Variants in SEMA3C observed in about 807,000 individuals in gnomAD.
SEMA3C encodes the protein semaphorin 3C, also known as semaphorin-3C.
A neutral mutation model predicts 89.4 loss-of-function variants in SEMA3C; 47 were observed. That is an observed-to-expected ratio of 0.53 (90% CI 0.42 to 0.67). The LOEUF is 0.67. Among genes scored for constraint, SEMA3C ranks in the 30% least tolerant of loss-of-function variants. SEMA3C has a pLI of 0.00. For missense variants in SEMA3C, 839 were observed against 929.1 expected, an observed-to-expected ratio of 0.90 and a Z score of 1.26; for synonymous variants, 310 against 320.2, an observed-to-expected ratio of 0.97 and a Z score of 0.34.
rs765917039 is a variant in SEMA3C at position 80,798,158 on chromosome 7, G to A, written c.1065C>T (p.His355=). The change falls in exon 11 of 18, where the codon CAC becomes CAT. Residue 355 remains histidine (H), a synonymous_variant. Transcript: ENST00000265361. ...TCAGCTGATGATTGGGCCCTTCTTTGTGGGCAAAAGGCCCATTAAACACAG... is the reference window on the plus strand; with the variant it reads ...TCAGCTGATGATTGGGCCCTTCTTTATGGGCAAAAGGCCCATTAAACACAG... ...IQTVFNGPFA[H]KEGPNHQLIS... The A allele has an allele frequency of 1.2e-6, 2 of 1,607,794 alleles. No homozygotes were observed. The highest frequency in any genetic ancestry group is 1.7e-6 in the Non-Finnish European group (2 of 1,177,246).
At chr7:80,845,979 A>C (rs1790380001) in intron 2 of SEMA3C, among the ~76,000 whole-genome samples, 1 of 152,214 alleles carries the variant, frequency 6.6e-6, no homozygotes, top group African/African-American at 2.4e-5. Flanking sequence ...ACTTTAAGAA[A>C]GTAGCAAATG....
rs1414310396 is a variant in SEMA3C, at chr7:80,803,859, T to G, written c.801+247A>C. 2.6e-5 allele frequency among the ~76,000 whole-genome samples: 4 copies of G among 152,256 alleles called. No homozygotes were observed. The East Asian group carries it at 7.7e-4, about 29-fold the overall frequency. On this transcript the variant is annotated intron_variant, in intron 8 of 17. Coordinates refer to ENST00000265361, the MANE Select transcript of SEMA3C (RefSeq NM_006379.5). The stretch of plus-strand genomic sequence containing the variant: ...AAAATATTTTCTTGAATTAAGATTT[T>G]TACTAAAATAGGGTATGTTTATCTC...
intron 11 of SEMA3C, among the ~76,000 whole-genome samples, chr7:80,790,543 C>G (rs1352754375): frequency 6.6e-6 from 1 of 152,186 alleles, no homozygotes; most frequent in African/African-American, 2.4e-5. Flanking sequence ...GTAGGTCTTG[C>G]TGCTCCTGAG....
chr7:80,828,550 G>T, intron 3 of SEMA3C, 35 bp downstream of exon 3: 4 of 1,537,740 alleles, frequency 2.6e-6, no homozygotes, highest in Admixed American at 1.9e-5. Context: ...ACATTGAAAA[G>T]GTGGACACTG....
At chr7:80,855,979 TTTTGTGAATGTA>T (rs1790628786) in intron 2 of SEMA3C, among the ~76,000 whole-genome samples, 1 of 152,190 alleles carries the variant, frequency 6.6e-6, no homozygotes, top group African/African-American at 2.4e-5. Flanking sequence ...AAAGATGAGC[TTTTGTGAATGTA>T]TTTCTTGCTT....
At chr7:80,911,401 CTT>C (rs1792145010) in intron 2 of SEMA3C, among the ~76,000 whole-genome samples, 1 of 152,088 alleles carries the variant, frequency 6.6e-6, no homozygotes, top group Non-Finnish European at 1.5e-5. Context: ...AAATGTATAA[CTT>C]TGGTTCTAGA....
At chr7:80,870,794 G>C (rs1791038271) in intron 2 of SEMA3C, among the ~76,000 whole-genome samples, 2 of 152,170 alleles carry the variant, frequency 1.3e-5, no homozygotes, top group Admixed American at 1.3e-4. Flanking sequence ...ACAGCAGAAA[G>C]AGACACTTTA....
chr7:80,914,506 G>C (rs1792225293), intron 2 of SEMA3C, among the ~76,000 whole-genome samples: 1 of 151,836 alleles, frequency 6.6e-6, no homozygotes, highest in South Asian at 2.1e-4. Context: ...TGTCTATGTA[G>C]TTCATTGTAG....
chr7:80,872,671 C>T lies in SEMA3C; in HGVS notation c.104-43926G>A, dbSNP rs1327410195. On this transcript the variant is annotated intron_variant, in intron 2 of 17. Coordinates refer to ENST00000265361, the MANE Select transcript of SEMA3C (RefSeq NM_006379.5). ...GAAAAATTAGCTCAGCATGGTGGTG[C>T]GCACCTGTAGTCCCAGCTACTTGAG... Among the ~76,000 whole-genome samples the T allele has an allele frequency of 4.6e-5, 7 of 151,230 alleles. No homozygotes were observed. In the East Asian group the frequency reaches 6.0e-4, roughly 13 times the overall value.
intron 2 of SEMA3C, among the ~76,000 whole-genome samples, chr7:80,902,099 T>C (rs914288770): frequency 6.6e-6 from 1 of 152,152 alleles, no homozygotes; most frequent in Non-Finnish European, 1.5e-5. Flanking sequence ...ACTACAGGTG[T>C]GCACCACCGC....
chr7:80,845,862 CCAAA>C (rs1475012328), intron 2 of SEMA3C, among the ~76,000 whole-genome samples: 1 of 152,126 alleles, frequency 6.6e-6, no homozygotes, highest in East Asian at 1.9e-4. Flanking sequence ...AATTTACCAC[CCAAA>C]CACTAAACAT....
rs1787733844 is a variant in SEMA3C, at chr7:80,743,730, C to G, written c.*1164G>C. 1 of 151,754 alleles carries G rather than the reference C, an allele frequency of 6.6e-6. No homozygotes were observed. Among genetic ancestry groups the G allele is most frequent in the Admixed American group, 6.6e-5 (1 of 15,230 alleles). 9.4% of individuals were successfully genotyped at this position (151,754 alleles called of 1,614,324 possible). A position where few individuals can be genotyped will look rare whatever the true frequency, so the allele number is the denominator to read the frequency against. On this transcript the variant is annotated 3_prime_UTR_variant, in exon 18 of 18. Coordinates refer to ENST00000265361, the MANE Select transcript of SEMA3C (RefSeq NM_006379.5). Reference sequence around the variant, plus strand: ...ATTTACTACTTTTACACTTAGAGACCAGTGAACGTATGTACCATTACCTTT... The same window carrying G: ...ATTTACTACTTTTACACTTAGAGACGAGTGAACGTATGTACCATTACCTTT...
At chr7:80,748,336 A>G (rs1311429763) in intron 17 of SEMA3C, among the ~76,000 whole-genome samples, 1 of 152,162 alleles carries the variant, frequency 6.6e-6, no homozygotes, top group East Asian at 1.9e-4. Flanking sequence ...TTTTTATTTG[A>G]AAATCTAAGG....
intron 2 of SEMA3C, among the ~76,000 whole-genome samples, chr7:80,836,472 G>A (rs1790130747): frequency 1.3e-5 from 2 of 152,210 alleles, no homozygotes; most frequent in South Asian, 2.1e-4. Context: ...GAGGTCAGGA[G>A]TTTGAGACAA....
intron 2 of SEMA3C, among the ~76,000 whole-genome samples, chr7:80,838,074 GA>G (rs1372407040): frequency 1.3e-5 from 2 of 151,928 alleles, no homozygotes; most frequent in East Asian, 3.9e-4. Context: ...CAATCAAATG[GA>G]AAAAATGCCA....
At chr7:80,796,980 A>G (rs1351803269) in intron 11 of SEMA3C, among the ~76,000 whole-genome samples, 1 of 152,188 alleles carries the variant, frequency 6.6e-6, no homozygotes, top group Non-Finnish European at 1.5e-5. Flanking sequence ...TCTAATAAGA[A>G]AAATAAAATG....
At chr7:80,868,211 A>C (rs1002311352) in intron 2 of SEMA3C, among the ~76,000 whole-genome samples, 2 of 152,172 alleles carry the variant, frequency 1.3e-5, no homozygotes, top group South Asian at 2.1e-4. Flanking sequence ...GAAAGCATGA[A>C]GAATATATTC....
At chr7:80,877,693 T>C (rs572603352) in intron 2 of SEMA3C, among the ~76,000 whole-genome samples, 9 of 152,340 alleles carry the variant, frequency 5.9e-5, no homozygotes, top group African/African-American at 9.6e-5. Context: ...GTGGACACAG[T>C]TGTAGTGACC....
rs11983372 is a variant in SEMA3C at position 80,884,321 on chromosome 7, C to T, written c.103+32358G>A. Among the ~76,000 whole-genome samples the T allele has an allele frequency of 9.5e-3, 1,441 of 152,208 alleles. 19 individuals carry two copies. The highest frequency in any genetic ancestry group is 0.03 in the African/African-American group (1,247 of 41,532). ...AAAATCATGAGTCTCTTAGTGAAAG[C>T]ATCAAGAACAAGTTTCTTGACTCTA... On this transcript the variant is annotated intron_variant, in intron 2 of 17. Coordinates refer to ENST00000265361, the MANE Select transcript of SEMA3C (RefSeq NM_006379.5).
Sources: allele counts gnomAD v4.1 joint callset (sites outside exome capture counted in the v4.1 genomes callset), GRCh38; gene constraint gnomAD v4.1.1; transcripts MANE v1.5; gene names NCBI Gene and HGNC (gene_info 2026-07-23, HGNC 2026-07-21).